PIP5K1B: variants seen among roughly 807,000 people sequenced by gnomAD.
The protein encoded by PIP5K1B is phosphatidylinositol 4-phosphate 5-kinase type-1 beta.
Under a neutral mutation model 67.0 loss-of-function variants are expected in PIP5K1B, and 42 were observed. The ratio of observed to expected loss-of-function variants is 0.63; its 90% CI spans 0.49 to 0.81. The LOEUF (loss-of-function observed/expected upper bound fraction) is 0.81, where lower values mean the gene tolerates loss of function less well. Among genes scored for constraint, PIP5K1B ranks in the 30% least tolerant of loss-of-function variants. The pLI, the probability that PIP5K1B is intolerant of heterozygous loss-of-function variation, is 0.00. For synonymous variants in PIP5K1B, 214 were observed against 231.4 expected (o/e 0.92, Z 0.68); for missense variants, 459 against 646.3 (o/e 0.71, Z 3.14).
intron 12 of PIP5K1B, among the ~76,000 whole-genome samples, chr9:68,934,561 G>C (rs184305815): frequency 3.3e-5 from 5 of 152,098 alleles, no homozygotes; most frequent in African/African-American, 4.8e-5. Context: ...TGTTTGGAGA[G>C]GGGGGAATGA....
chr9:68,951,916 C>A (rs999057971), intron 14 of PIP5K1B, among the ~76,000 whole-genome samples: 1 of 152,090 alleles, frequency 6.6e-6, no homozygotes, highest in African/African-American at 2.4e-5. Context: ...ATTGTTATTG[C>A]TTGATCTATT....
At chr9:68,743,086 A>G (rs1829095141) in intron 2 of PIP5K1B, among the ~76,000 whole-genome samples, 1 of 152,162 alleles carries the variant, frequency 6.6e-6, no homozygotes. Flanking sequence ...AGGCCCTAGG[A>G]GGGTACAAAA....
At chr9:68,935,911 T>C (rs1277490664) in intron 13 of PIP5K1B, 1 of 152,232 alleles carries the variant, frequency 6.6e-6, no homozygotes, top group African/African-American at 2.4e-5. Context: ...ATGTCATCCT[T>C]GCACAGGGGC....
At chr9:68,708,428 C>T (rs764076481) in intron 1 of PIP5K1B, among the ~76,000 whole-genome samples, 2 of 152,128 alleles carry the variant, frequency 1.3e-5, no homozygotes, top group Non-Finnish European at 2.9e-5. Flanking sequence ...CTGAAGCTGG[C>T]GGGTACAGAG....
chr9:68,834,566 A>G (rs554404921), intron 4 of PIP5K1B, among the ~76,000 whole-genome samples: 2 of 152,298 alleles, frequency 1.3e-5, no homozygotes, highest in East Asian at 3.9e-4. Flanking sequence ...TACAGCATCC[A>G]AAGGATGTAT....
intron 4 of PIP5K1B, among the ~76,000 whole-genome samples, chr9:68,838,096 A>AT (rs948172119): frequency 1.5e-4 from 21 of 135,604 alleles, no homozygotes; most frequent in Admixed American, 6.5e-4. Flanking sequence ...TGCGCATGGG[A>AT]TTTTTTTTTC....
chr9:68,961,895 G>C (rs1018681949), intron 14 of PIP5K1B, among the ~76,000 whole-genome samples: 2 of 152,180 alleles, frequency 1.3e-5, no homozygotes, highest in African/African-American at 2.4e-5. Flanking sequence ...TTTGGGAGAT[G>C]ATTTACCTGC....
At chr9:68,753,738 A>T (rs1358301382) in intron 2 of PIP5K1B, among the ~76,000 whole-genome samples, 1 of 151,712 alleles carries the variant, frequency 6.6e-6, no homozygotes, top group Non-Finnish European at 1.5e-5. Context: ...GTTAGCCAGG[A>T]TGGTCTTGAT....
intron 1 of PIP5K1B, among the ~76,000 whole-genome samples, chr9:68,710,638 T>C (rs1252943374): frequency 6.6e-6 from 1 of 152,186 alleles, no homozygotes; most frequent in African/African-American, 2.4e-5. Context: ...TAGATTACTC[T>C]TGGAAAGATT....
At chr9:68,733,821 G>C (rs1451184018) in intron 1 of PIP5K1B, among the ~76,000 whole-genome samples, 1 of 151,774 alleles carries the variant, frequency 6.6e-6, no homozygotes, top group Non-Finnish European at 1.5e-5. Context: ...TGTATTTTTA[G>C]TTGAGACGGG....
chr9:68,747,352 A>G (rs905494526), intron 2 of PIP5K1B, among the ~76,000 whole-genome samples: 1 of 151,052 alleles, frequency 6.6e-6, no homozygotes, highest in African/African-American at 2.4e-5. Context: ...AAAATAATAG[A>G]CCACCAATTT....
At chr9:68,907,381 C>A (rs2132467831) in intron 8 of PIP5K1B, among the ~76,000 whole-genome samples, 1 of 152,110 alleles carries the variant, frequency 6.6e-6, no homozygotes, top group East Asian at 1.9e-4. Context: ...TCATGTTGAG[C>A]CACTCTTGTA....
At chr9:68,943,978 T>C (rs1238650767) in intron 14 of PIP5K1B, among the ~76,000 whole-genome samples, 1 of 152,238 alleles carries the variant, frequency 6.6e-6, no homozygotes, top group Non-Finnish European at 1.5e-5. Flanking sequence ...TTATTCTTTG[T>C]AACTTCAAAA....
At chr9:68,756,649 C>T (rs1484017555) in intron 2 of PIP5K1B, among the ~76,000 whole-genome samples, 1 of 152,132 alleles carries the variant, frequency 6.6e-6, no homozygotes, top group Admixed American at 6.5e-5. Flanking sequence ...TTTTCTCTAT[C>T]ATTTCTTCTT....
chr9:68,739,392 G>A (rs995715196), intron 1 of PIP5K1B, among the ~76,000 whole-genome samples: 2 of 152,086 alleles, frequency 1.3e-5, no homozygotes, highest in Admixed American at 1.3e-4. Context: ...TCTCAGAGTT[G>A]GAGATCTTTG....
chr9:68,801,849 G>A (rs1030886813), intron 2 of PIP5K1B, among the ~76,000 whole-genome samples: 1 of 152,156 alleles, frequency 6.6e-6, no homozygotes, highest in Non-Finnish European at 1.5e-5. Flanking sequence ...TGAATGATGG[G>A]GGTTTGCCCC....
chr9:68,966,363 G>C (rs1226078983), intron 14 of PIP5K1B: 1 of 152,126 alleles, frequency 6.6e-6, no homozygotes, highest in Non-Finnish European at 1.5e-5. Flanking sequence ...AGAGAAGCCT[G>C]GTAAACACTA....
intron 2 of PIP5K1B, among the ~76,000 whole-genome samples, chr9:68,779,556 A>T (rs897934368): frequency 6.6e-6 from 1 of 152,230 alleles, no homozygotes; most frequent in Non-Finnish European, 1.5e-5. Context: ...CTCAAGATAA[A>T]GACCAGAATG....
At chr9:68,983,448 T>C (rs1032724386) in intron 14 of PIP5K1B, among the ~76,000 whole-genome samples, 2 of 152,142 alleles carry the variant, frequency 1.3e-5, no homozygotes, top group African/African-American at 4.8e-5. Flanking sequence ...CCTATCTTTT[T>C]TCTGTGTGTG....
Sources: gnomAD v4.1 joint callset for allele counts (sites outside exome capture counted in the v4.1 genomes callset) on GRCh38, gnomAD v4.1.1 for gene constraint, MANE v1.5 for transcripts, NCBI Gene and HGNC (gene_info 2026-07-23, HGNC 2026-07-21) for gene names.